RUNX3: variants seen among roughly 807,000 people sequenced by gnomAD.
RUNX3 encodes the protein RUNX family transcription factor 3.
A neutral mutation model predicts 27.7 loss-of-function variants in RUNX3; 10 were observed. That is an observed-to-expected ratio of 0.36 (90% CI 0.22 to 0.61). The LOEUF is 0.61. Ranked by LOEUF, RUNX3 falls within the 20% of genes least tolerant of loss-of-function variation. The pLI, the probability that RUNX3 is intolerant of heterozygous loss-of-function variation, is 0.72. For synonymous variants in RUNX3, 270 were observed against 269.2 expected (o/e 1.00, Z -0.03); for missense variants, 469 against 629.5 (o/e 0.75, Z 2.73).
At chr1:24,913,010 G>A (rs895126178) in intron 3 of RUNX3, among the ~76,000 whole-genome samples, 7 of 152,198 alleles carry the variant, frequency 4.6e-5, no homozygotes, top group Non-Finnish European at 7.3e-5. Context: ...GCTCAGGGTT[G>A]AGAGTGCAAT....
chr1:24,961,306 T>C (rs1437727115), intron 2 of RUNX3: 1 of 152,160 alleles, frequency 6.6e-6, no homozygotes, highest in African/African-American at 2.4e-5. Flanking sequence ...GAGGCATGGA[T>C]GGGATGCTTC....
chr1:24,929,044 C>T (rs12093025), intron 1 of RUNX3: 55 of 457,100 alleles, frequency 1.2e-4, no homozygotes, highest in Non-Finnish European at 2.1e-4. Flanking sequence ...ACTCGCCATT[C>T]GGGACGCATA....
At chr1:24,964,362 C>T (rs1336849122) in intron 2 of RUNX3, 1 of 675,288 alleles carries the variant, frequency 1.5e-6, no homozygotes, top group Non-Finnish European at 2.7e-6. Flanking sequence ...ACAGAGACCA[C>T]CAACCCCTCT....
At position 24,943,642 on chromosome 1, in the gene RUNX3, T is replaced by C. The variant is rs1170578298; in HGVS notation, c.59-13790A>G. ...GATCTCTGAGGCTAGTCCCCTTGTG[T>C]CGGAAAAACAGGTCTGGAGAGGGGA... On this transcript the variant is annotated intron_variant, in intron 2 of 6. Coordinates refer to the RUNX3 transcript ENST00000338888. The surrounding 1 kb of genome is among the most constrained non-coding windows in gnomAD (Gnocchi z 4.6). Among the ~76,000 whole-genome samples the C allele has an allele frequency of 6.6e-6, 1 of 152,028 alleles. No homozygotes were observed. The highest frequency in any genetic ancestry group is 1.5e-5 in the Non-Finnish European group (1 of 67,986).
chr1:24,917,638 CA>C (rs1354760577), intron 3 of RUNX3, among the ~76,000 whole-genome samples: 1 of 152,232 alleles, frequency 6.6e-6, no homozygotes, highest in Non-Finnish European at 1.5e-5. Context: ...TGCTAACCCC[CA>C]CCGCTAAGTG....
rs1327683717 is a variant in RUNX3, at chr1:24,943,270, AG to A, written c.59-13419del. ...TGGGAGCATGCTGGCAGCAGGGTGG[AG>A]GGGGGTGTCTGGAGACTCAGAATCC... On this transcript the variant is annotated intron_variant, in intron 2 of 6. Coordinates refer to the RUNX3 transcript ENST00000338888. This position sits in a 1 kb window ranked among gnomAD's most constrained non-coding sequence, Gnocchi z 4.6. Among the ~76,000 whole-genome samples, 3 of 152,052 alleles carry A rather than the reference AG, an allele frequency of 2.0e-5. No individual in the cohort carries two copies. Among genetic ancestry groups the A allele is most frequent in the African/African-American group, 7.2e-5 (3 of 41,420 alleles).
intron 2 of RUNX3, among the ~76,000 whole-genome samples, chr1:24,944,910 TG>T (rs1039194421): frequency 6.6e-6 from 1 of 152,234 alleles, no homozygotes; most frequent in African/African-American, 2.4e-5. Context: ...TATAAATGCA[TG>T]TTTTTTTTAA....
At chr1:24,955,149 A>T (rs1384195153) in intron 2 of RUNX3, among the ~76,000 whole-genome samples, 1 of 152,052 alleles carries the variant, frequency 6.6e-6, no homozygotes, top group Non-Finnish European at 1.5e-5. Flanking sequence ...TTCTAGACCC[A>T]TCTCAGATTC....
intron 1 of RUNX3, among the ~76,000 whole-genome samples, chr1:24,928,233 TGG>T: frequency 6.6e-6 from 1 of 152,368 alleles, no homozygotes; most frequent in South Asian, 2.1e-4. Context: ...CCCAGTTTAT[TGG>T]CCTCTGCAGA....
intron 3 of RUNX3, among the ~76,000 whole-genome samples, chr1:24,915,297 G>A (rs1282572184): frequency 6.6e-6 from 1 of 152,058 alleles, no homozygotes; most frequent in Non-Finnish European, 1.5e-5. Flanking sequence ...GGTGGCGTGT[G>A]CCTGTAATCC....
intron 1 of RUNX3, chr1:24,929,276 T>C (rs746831074): frequency 1.5e-5 from 9 of 613,976 alleles, no homozygotes; most frequent in South Asian, 6.1e-5. Context: ...CAGGGCTGTA[T>C]CTGAGCGATC....
rs1191607781 is a variant in RUNX3 at position 24,904,416 on chromosome 1, C to G, written c.704-1750G>C. Reference sequence around the variant, plus strand: ...GGTAAGAAGATGTGGGGACAGCAGTCTGGGTGGCGGGGGCCTTCTGGGACA... The same window carrying G: ...GGTAAGAAGATGTGGGGACAGCAGTGTGGGTGGCGGGGGCCTTCTGGGACA... On this transcript the variant is annotated intron_variant, in intron 4 of 4. Transcript: ENST00000308873. The surrounding 1 kb of genome is among the most constrained non-coding windows in gnomAD (Gnocchi z 5.7). 6.6e-6 allele frequency among the ~76,000 whole-genome samples: 1 copy of G among 152,192 alleles called. No individual in the cohort carries two copies. The highest frequency in any genetic ancestry group is 2.4e-5 in the African/African-American group (1 of 41,436).
chr1:24,918,965 C>G (rs1191274565), intron 3 of RUNX3, among the ~76,000 whole-genome samples: 2 of 152,242 alleles, frequency 1.3e-5, no homozygotes, highest in Admixed American at 6.5e-5. Flanking sequence ...AATGCCATAT[C>G]TGAAAGCTTT....
chr1:24,902,899 G>GCC lies in RUNX3; in HGVS notation c.704-235_704-234dup, dbSNP rs34296216. On this transcript the variant is annotated intron_variant, in intron 4 of 4. Coordinates refer to ENST00000308873, the MANE Select transcript of RUNX3 (RefSeq NM_004350.3). This position sits in a 1 kb window ranked among gnomAD's most constrained non-coding sequence, Gnocchi z 9.2. ...CCCCGGGCCAAGAGGGGCCATGGGAGCCCCCCCACAGCAGCAACAGAACAG... is the reference window on the plus strand; with the variant it reads ...CCCCGGGCCAAGAGGGGCCATGGGAGCCCCCCCCCACAGCAGCAACAGAACAG... Among the ~76,000 whole-genome samples the GCC allele has an allele frequency of 3.3e-5, 5 of 152,094 alleles. No individual in the cohort carries two copies. Among genetic ancestry groups the GCC allele is most frequent in the Admixed American group, 6.5e-5 (1 of 15,288 alleles).
At chr1:24,949,798 T>TTTGGCC (rs1358982337) in intron 2 of RUNX3, among the ~76,000 whole-genome samples, 3 of 152,202 alleles carry the variant, frequency 2.0e-5, no homozygotes, top group Non-Finnish European at 4.4e-5. Flanking sequence ...GGAGCGGGGG[T>TTTGGCC]TTGGCCTTGG....
At chr1:24,963,015 C>A (rs910711659) in intron 2 of RUNX3, 1 of 152,206 alleles carries the variant, frequency 6.6e-6, no homozygotes, top group Non-Finnish European at 1.5e-5. Flanking sequence ...AAGGGAACAA[C>A]GTTATAATAG....
rs535700572 is a variant in RUNX3, at chr1:24,943,008, G to A, written c.59-13156C>T. ...TGGGTAGGGTCTAGGAGGGGGCAGC[G>A]GCTCAGGACTGGGCGGGGGTCCGGA... On this transcript the variant is annotated intron_variant, in intron 2 of 6. Coordinates refer to the RUNX3 transcript ENST00000338888. This position sits in a 1 kb window ranked among gnomAD's most constrained non-coding sequence, Gnocchi z 4.6. 2.7e-4 allele frequency among the ~76,000 whole-genome samples: 41 copies of A among 152,240 alleles called. No homozygotes were observed. The highest frequency in any genetic ancestry group is 1.9e-4 in the East Asian group (1 of 5,192).
At chr1:24,911,993 C>G (rs1398377691) in intron 3 of RUNX3, among the ~76,000 whole-genome samples, 1 of 152,230 alleles carries the variant, frequency 6.6e-6, no homozygotes, top group Non-Finnish European at 1.5e-5. Context: ...GAGAGGGGAG[C>G]CAAGGCGGCC....
Position 24,962,177 on chromosome 1 carries a change from G to A in RUNX3, c.58+2337C>T, listed in dbSNP as rs1450435406. On this transcript the variant is annotated intron_variant, in intron 2 of 6. Coordinates refer to the RUNX3 transcript ENST00000338888. This position sits in a 1 kb window ranked among gnomAD's most constrained non-coding sequence, Gnocchi z 4.5. ...TCATCACAACTGCATGGCCCACCGC[G>A]GGGTCTTGTCACTCAGTGAGTTCTT... The A allele has an allele frequency of 2.6e-5, 4 of 152,212 alleles. No individual in the cohort carries two copies. Among genetic ancestry groups the A allele is most frequent in the African/African-American group, 7.2e-5 (3 of 41,446 alleles). 9.4% of individuals were successfully genotyped at this position (152,212 alleles called of 1,614,324 possible). A position where few individuals can be genotyped will look rare whatever the true frequency, so the allele number is the denominator to read the frequency against.
Sources: gnomAD v4.1 joint callset for allele counts (sites outside exome capture counted in the v4.1 genomes callset) on GRCh38, gnomAD v4.1.1 for gene constraint, Gnocchi (gnomAD v3.1) non-coding constraint, MANE v1.5 for transcripts, NCBI Gene and HGNC (gene_info 2026-07-23, HGNC 2026-07-21) for gene names.